The following NPFFR2 variants were observed in gnomAD, a reference collection of about 807,000 sequenced individuals.
The protein encoded by NPFFR2 is neuropeptide FF receptor 2.
A neutral mutation model predicts 13.1 loss-of-function variants in NPFFR2; 15 were observed. That is an observed-to-expected ratio of 1.15 (90% CI 0.77 to 1.76). NPFFR2 has a LOEUF of 1.76. NPFFR2 is among the 40% of genes most tolerant of loss of function. The pLI is 0.00. For synonymous variants in NPFFR2, 190 were observed against 175.7 expected, an observed-to-expected ratio of 1.08 and a Z score of -0.65; for missense variants, 572 against 503.5, an observed-to-expected ratio of 1.14 and a Z score of -1.30.
intron 1 of NPFFR2, among the ~76,000 whole-genome samples, chr4:72,068,061 T>C (rs1329309597): frequency 1.3e-5 from 2 of 152,214 alleles, no homozygotes; most frequent in African/African-American, 4.8e-5. Context: ...TCTGTAGCCA[T>C]TACCCAATTC....
At chr4:72,042,632 G>T (rs1159363770) in intron 1 of NPFFR2, among the ~76,000 whole-genome samples, 1 of 152,130 alleles carries the variant, frequency 6.6e-6, no homozygotes, top group Non-Finnish European at 1.5e-5. Flanking sequence ...TTGGGAACTG[G>T]AGCAAAGGTA....
chr4:72,119,343 C>T (rs377009056), intron 1 of NPFFR2, among the ~76,000 whole-genome samples: 3 of 152,020 alleles, frequency 2.0e-5, no homozygotes, highest in Non-Finnish European at 2.9e-5. Context: ...TACAATAATT[C>T]GGAAACTTCT....
intron 2 of NPFFR2, among the ~76,000 whole-genome samples, chr4:72,132,088 C>T (rs950635880): frequency 6.6e-6 from 1 of 150,654 alleles, no homozygotes; most frequent in Non-Finnish European, 1.5e-5. Flanking sequence ...GTTTGTTGTA[C>T]AGATTATTTT....
chr4:72,071,685 A>G (rs1245753985), intron 1 of NPFFR2, among the ~76,000 whole-genome samples: 1 of 152,142 alleles, frequency 6.6e-6, no homozygotes, highest in Non-Finnish European at 1.5e-5. Flanking sequence ...TAGCTTGAAG[A>G]AGCCTGGGTG....
At chr4:72,092,743 G>T (rs1386479538) in intron 1 of NPFFR2, among the ~76,000 whole-genome samples, 1 of 152,108 alleles carries the variant, frequency 6.6e-6, no homozygotes, top group Admixed American at 6.5e-5. Flanking sequence ...TGTGCCAGGT[G>T]AGTCTCTTGA....
At chr4:72,050,427 C>T (rs1719509949) in intron 1 of NPFFR2, among the ~76,000 whole-genome samples, 1 of 151,918 alleles carries the variant, frequency 6.6e-6, no homozygotes. Context: ...TTATACACTC[C>T]TCCCTTTACA....
At position 72,038,604 on chromosome 4, in the gene NPFFR2, T is replaced by A. The variant is rs2109752797; in HGVS notation, c.-8+6404T>A. Reference sequence around the variant, plus strand: ...TTTTTTCCTGTAATATGGAAAAAAATTTGAAAAAGCTATCATTGCACCATT... The same window carrying A: ...TTTTTTCCTGTAATATGGAAAAAAAATTGAAAAAGCTATCATTGCACCATT... On this transcript the variant is annotated intron_variant, in intron 1 of 3. Coordinates refer to ENST00000308744, the MANE Select transcript of NPFFR2 (RefSeq NM_004885.3). Among the ~76,000 whole-genome samples, 2 of 152,228 alleles carry A rather than the reference T, an allele frequency of 1.3e-5. 1 individual carries two copies. The highest frequency in any genetic ancestry group is 4.1e-4 in the South Asian group (2 of 4,822).
At position 72,144,303 on chromosome 4, in the gene NPFFR2, G is replaced by A. The variant is rs557067558; in HGVS notation, c.429-2675G>A. Among the ~76,000 whole-genome samples the A allele has an allele frequency of 5.3e-5, 8 of 152,256 alleles. No homozygotes were observed. In the South Asian group the frequency reaches 6.2e-4, roughly 12 times the overall value. On this transcript the variant is annotated intron_variant, in intron 3 of 3. Coordinates refer to ENST00000308744, the MANE Select transcript of NPFFR2 (RefSeq NM_004885.3). ...TTATATGTCAGTTCAGGGCTCTGAC[G>A]GTTTGTGTCCCAGAAGAGAGTACCA...
At chr4:72,141,236 G>A (rs1018486152) in intron 3 of NPFFR2, among the ~76,000 whole-genome samples, 1 of 151,400 alleles carries the variant, frequency 6.6e-6, no homozygotes, top group Non-Finnish European at 1.5e-5. Context: ...ATTTTTTTAA[G>A]GGTTTTTTGT....
At chr4:72,110,119 T>G (rs912441193) in intron 1 of NPFFR2, among the ~76,000 whole-genome samples, 6 of 151,854 alleles carry the variant, frequency 4.0e-5, no homozygotes, top group African/African-American at 1.5e-4. Context: ...TCATGGGAGG[T>G]GCCCAGTGGG....
Position 72,147,963 on chromosome 4 carries a change from A to C in NPFFR2, c.*151A>C, listed in dbSNP as rs1327109950. 2.8e-5 allele frequency: 16 copies of C among 578,442 alleles called. No homozygotes were observed. The highest frequency in any genetic ancestry group is 3.8e-5 in the African/African-American group (2 of 52,578). The allele number at this position is 578,442 out of a possible 1,614,324, so 35.8% of individuals were successfully genotyped here. ...CTGGCAAAAAAATTAAAAATAAACAAAAATGGTCATAAGATCATAAACAAT... is the reference window on the plus strand; with the variant it reads ...CTGGCAAAAAAATTAAAAATAAACACAAATGGTCATAAGATCATAAACAAT... On this transcript the variant is annotated 3_prime_UTR_variant, in exon 4 of 4. Coordinates refer to ENST00000308744, the MANE Select transcript of NPFFR2 (RefSeq NM_004885.3).
In NPFFR2 at chr4:72,080,582, C is replaced by T. The variant is rs1278461411; in HGVS notation, c.-7-48003C>T. On this transcript the variant is annotated intron_variant, in intron 1 of 3. Coordinates refer to ENST00000308744, the MANE Select transcript of NPFFR2 (RefSeq NM_004885.3). ...GAATAAATCCAGGTTTATTTTCTCA[C>T]AGTGACATTATGCTAAAATTAGAAT... 2.0e-5 allele frequency among the ~76,000 whole-genome samples: 3 copies of T among 152,148 alleles called. No homozygotes were observed. The East Asian group carries it at 5.8e-4, about 29-fold the overall frequency.
At chr4:72,134,730 C>G (rs938265498) in intron 2 of NPFFR2, among the ~76,000 whole-genome samples, 32 of 152,108 alleles carry the variant, frequency 2.1e-4, no homozygotes, top group African/African-American at 6.7e-4. Context: ...TTGTCAATAC[C>G]TTTAAACATA....
At chr4:72,039,668 ACATT>A (rs1340303386) in intron 1 of NPFFR2, among the ~76,000 whole-genome samples, 3 of 152,164 alleles carry the variant, frequency 2.0e-5, no homozygotes, top group Non-Finnish European at 4.4e-5. Flanking sequence ...TTCTTGATAA[ACATT>A]CACTTTGTTT....
intron 1 of NPFFR2, among the ~76,000 whole-genome samples, chr4:72,044,144 C>T (rs900764180): frequency 6.6e-6 from 1 of 152,126 alleles, no homozygotes; most frequent in African/African-American, 2.4e-5. Context: ...GTTTGCTTCC[C>T]CTTCCACCAT....
intron 1 of NPFFR2, among the ~76,000 whole-genome samples, chr4:72,098,666 A>C (rs557227610): frequency 1.2e-4 from 19 of 152,198 alleles, no homozygotes; most frequent in African/African-American, 4.6e-4. Context: ...GCTTCATCCA[A>C]GTTGGAGGTG....
rs35860160 is a variant in NPFFR2, at chr4:72,035,498, C to CA, written c.-8+3298_-8+3299insA. The stretch of plus-strand genomic sequence containing the variant: ...TCCTTGGTATCTTTCCATAGTTTAG[C>CA]CCCCCCTAAAAAAGTCAAAGTGAGT... On this transcript the variant is annotated intron_variant, in intron 1 of 3. Transcript: ENST00000308744. Among the ~76,000 whole-genome samples, 471 of 69,286 alleles carry CA rather than the reference C, an allele frequency of 6.8e-3. 5 individuals are homozygous for CA. Among genetic ancestry groups the CA allele is most frequent in the African/African-American group, 0.022 (441 of 20,364 alleles). The allele number at this position is 69,286 out of a possible 152,430, so 45.5% of individuals were successfully genotyped here.
At chr4:72,092,138 C>T (rs549014796) in intron 1 of NPFFR2, among the ~76,000 whole-genome samples, 4 of 152,026 alleles carry the variant, frequency 2.6e-5, no homozygotes, top group African/African-American at 7.2e-5. Context: ...CATGTATTTG[C>T]GTGGTTTTGT....
rs1462489725 is a variant in NPFFR2, at chr4:72,128,759, CT to C, written c.173del (p.Leu58CysfsTer3). The part of the protein sequence containing the change: ...IFIISYFLIF[F>X]LCMMGNTVVC... ...TCATTATTTCCTACTTTCTGATCTTCTTTTTGTGCATGATGGGAAATACTGT... is the reference window on the plus strand; with the variant it reads ...TCATTATTTCCTACTTTCTGATCTTCTTTTGTGCATGATGGGAAATACTGT... On this transcript the variant is annotated frameshift_variant, in exon 2 of 4. Transcript: ENST00000308744. LOFTEE classifies it high-confidence loss of function. The C allele has an allele frequency of 6.2e-7, 1 of 1,614,160 alleles. No homozygotes were observed. Among genetic ancestry groups the C allele is most frequent in the Non-Finnish European group, 8.5e-7 (1 of 1,180,016 alleles).
Sources: gnomAD v4.1 joint callset for allele counts (sites outside exome capture counted in the v4.1 genomes callset) on GRCh38, gnomAD v4.1.1 for gene constraint, MANE v1.5 for transcripts, NCBI Gene and HGNC (gene_info 2026-07-23, HGNC 2026-07-21) for gene names.